Variants in CDH18 observed in about 807,000 individuals in gnomAD.
CDH18 encodes cadherin-18.
In CDH18, 31 loss-of-function variants were observed where a neutral mutation model predicts 67.9. The ratio of observed to expected loss-of-function variants is 0.46; its 90% CI spans 0.34 to 0.62. CDH18 has a LOEUF of 0.62. Ranked by LOEUF, CDH18 falls within the 20% of genes least tolerant of loss-of-function variation. The pLI, the probability that CDH18 is intolerant of heterozygous loss-of-function variation, is 0.01. For synonymous variants in CDH18, 362 were observed against 347.2 expected (o/e 1.04, Z -0.48); for missense variants, 890 against 975.5 (o/e 0.91, Z 1.17).
chr5:20,045,674 C>G (rs936414937), intron 2 of CDH18, among the ~76,000 whole-genome samples: 11 of 151,832 alleles, frequency 7.2e-5, no homozygotes, highest in African/African-American at 2.7e-4. Flanking sequence ...AGTTAACTAG[C>G]TGGGATTGGT....
chr5:19,960,684 C>G (rs1487168639), intron 2 of CDH18, among the ~76,000 whole-genome samples: 1 of 124,842 alleles, frequency 8.0e-6, no homozygotes, highest in Non-Finnish European at 1.6e-5. Context: ...TATATGTATA[C>G]ATATACACGT....
chr5:19,979,381 A>C (rs1449795707), intron 2 of CDH18, among the ~76,000 whole-genome samples: 1 of 152,050 alleles, frequency 6.6e-6, no homozygotes, highest in Non-Finnish European at 1.5e-5. Flanking sequence ...ATCACCTCAG[A>C]CCTTCTGCTG....
chr5:19,719,231 CTATT>C (rs1212135180), intron 5 of CDH18, among the ~76,000 whole-genome samples: 6 of 151,936 alleles, frequency 3.9e-5, no homozygotes, highest in African/African-American at 1.4e-4. Flanking sequence ...ATAATTGTAA[CTATT>C]TATAAATAAA....
chr5:19,764,203 T>C (rs992521965), intron 3 of CDH18, among the ~76,000 whole-genome samples: 3 of 149,776 alleles, frequency 2.0e-5, no homozygotes, highest in Admixed American at 6.7e-5. Flanking sequence ...ACAGTACATA[T>C]ATGCAAGGAG....
rs182983987 is a variant in CDH18, at chr5:20,559,717, C to T, written c.-580+15745G>A. Among the ~76,000 whole-genome samples, 1,440 of 151,910 alleles carry T rather than the reference C, an allele frequency of 9.5e-3. 10 individuals carry two copies. Among genetic ancestry groups the T allele is most frequent in the Non-Finnish European group, 0.015 (987 of 67,920 alleles). ...ATTGAAGCTAATATTGAATTCCAAC[C>T]TGATCATATAAAAATCAAGAAATCA... On this transcript the variant is annotated intron_variant, in intron 1 of 14. Coordinates refer to the CDH18 transcript ENST00000507958.
chr5:19,860,767 GGAAA>G (rs1177512930), intron 2 of CDH18, among the ~76,000 whole-genome samples: 1 of 151,712 alleles, frequency 6.6e-6, no homozygotes, highest in East Asian at 1.9e-4. Context: ...TGATTCTTGC[GGAAA>G]GAGATACTGA....
intron 5 of CDH18, among the ~76,000 whole-genome samples, chr5:19,659,557 C>T (rs1293077025): frequency 6.6e-6 from 1 of 151,996 alleles, no homozygotes; most frequent in East Asian, 1.9e-4. Flanking sequence ...AAGTTTGTGT[C>T]CCTCCAAGAT....
intron 1 of CDH18, among the ~76,000 whole-genome samples, chr5:20,442,938 G>C (rs981089418): frequency 6.6e-6 from 1 of 151,616 alleles, no homozygotes. Context: ...GGCCGGGCGC[G>C]GTGGCTCACG....
rs113059560 is a variant in CDH18 at position 19,484,675 on chromosome 5, C to T, written c.1631-1123G>A. On this transcript the variant is annotated intron_variant, in intron 11 of 12. Coordinates refer to ENST00000382275, the MANE Select transcript of CDH18 (RefSeq NM_004934.5). ...GCCATCCCCCTTCCTGCACTACTGACAATACTGATGGACAACTTTAGCTCC... is the reference window on the plus strand; with the variant it reads ...GCCATCCCCCTTCCTGCACTACTGATAATACTGATGGACAACTTTAGCTCC... Among the ~76,000 whole-genome samples the T allele has an allele frequency of 3.6e-3, 553 of 152,318 alleles. 3 individuals carry two copies. The highest frequency in any genetic ancestry group is 0.013 in the African/African-American group (521 of 41,558).
intron 2 of CDH18, among the ~76,000 whole-genome samples, chr5:20,141,621 C>G (rs974207652): frequency 1.3e-5 from 2 of 152,184 alleles, no homozygotes; most frequent in South Asian, 2.1e-4. Flanking sequence ...TCCAGCTAGC[C>G]TTTTGAATTA....
rs62354275 is a variant in CDH18, at chr5:20,542,513, G to A, written c.-580+32949C>T. Reference sequence around the variant, plus strand: ...TATATTGTGTGTATATATATTGTGCGTATGCATATATATGCTATATATGCA... The same window carrying A: ...TATATTGTGTGTATATATATTGTGCATATGCATATATATGCTATATATGCA... On this transcript the variant is annotated intron_variant, in intron 1 of 14. Coordinates refer to the CDH18 transcript ENST00000507958. Among the ~76,000 whole-genome samples the A allele has an allele frequency of 1.4e-4, 21 of 151,094 alleles. 1 individual carries two copies. The highest frequency in any genetic ancestry group is 3.5e-3 in the Middle Eastern group (1 of 286).
intron 1 of CDH18, among the ~76,000 whole-genome samples, chr5:20,534,529 A>G (rs982002986): frequency 6.6e-6 from 1 of 152,072 alleles, no homozygotes; most frequent in African/African-American, 2.4e-5. Flanking sequence ...TGAGTAAAAA[A>G]AGGTCACTTT....
intron 2 of CDH18, among the ~76,000 whole-genome samples, chr5:20,159,205 C>T (rs887983496): frequency 2.6e-5 from 4 of 152,046 alleles, no homozygotes; most frequent in African/African-American, 9.7e-5. Flanking sequence ...AATATAAAAA[C>T]AGATGGAATA....
rs1193435956 is a variant in CDH18, at chr5:19,960,710, TGTATACACGTGTATATACGTATATAC to T, written c.-257+20324_-257+20349del. Among the ~76,000 whole-genome samples the T allele has an allele frequency of 8.3e-4, 103 of 124,746 alleles. 2 individuals are homozygous for T. Among genetic ancestry groups the T allele is most frequent in the Admixed American group, 3.6e-3 (49 of 13,464 alleles). 81.8% of individuals were successfully genotyped at this position (124,746 alleles called of 152,430 possible). ...ATATACACGTGTATATATGTATATA[TGTATACACGTGTATATACGTATATAC>T]GTATACACGTGTATATATATGTATA... On this transcript the variant is annotated intron_variant, in intron 2 of 12. Transcript: ENST00000382275.
intron 2 of CDH18, among the ~76,000 whole-genome samples, chr5:20,059,368 A>G (rs1199570035): frequency 1.3e-5 from 2 of 152,042 alleles, no homozygotes; most frequent in East Asian, 1.9e-4. Context: ...GTCTTGTGCT[A>G]TCCTTTGAAT....
At chr5:20,260,560 G>GCTGATGGTGT in intron 1 of CDH18, among the ~76,000 whole-genome samples, 1 of 152,130 alleles carries the variant, frequency 6.6e-6, no homozygotes, top group African/African-American at 2.4e-5. Flanking sequence ...TTGCATTTCA[G>GCTGATGGTGT]AAAGACTTAA....
intron 2 of CDH18, among the ~76,000 whole-genome samples, chr5:19,878,397 C>T (rs762170583): frequency 3.9e-5 from 6 of 152,006 alleles, no homozygotes; most frequent in South Asian, 2.1e-4. Flanking sequence ...TACAAACATA[C>T]GGCACACAAA....
chr5:19,782,488 G>A (rs1266455352), intron 3 of CDH18, among the ~76,000 whole-genome samples: 2 of 152,022 alleles, frequency 1.3e-5, no homozygotes, highest in Non-Finnish European at 2.9e-5. Context: ...TTTCCTGTGT[G>A]GTGTAGTGTG....
intron 1 of CDH18, among the ~76,000 whole-genome samples, chr5:20,530,231 A>G (rs1297442991): frequency 1.3e-5 from 2 of 152,092 alleles, no homozygotes; most frequent in Non-Finnish European, 2.9e-5. Context: ...CAAGGAAATC[A>G]GAGAGGACAT....
Sources: allele counts gnomAD v4.1 joint callset (sites outside exome capture counted in the v4.1 genomes callset), GRCh38; gene constraint gnomAD v4.1.1; transcripts MANE v1.5; gene names NCBI Gene and HGNC (gene_info 2026-07-23, HGNC 2026-07-21).